SV2C: variants seen among roughly 807,000 people sequenced by gnomAD.
The protein encoded by SV2C is solute carrier family 22 member B3.
A neutral mutation model predicts 79.7 loss-of-function variants in SV2C; 49 were observed. That is an observed-to-expected ratio of 0.61 (90% CI 0.49 to 0.78). SV2C has a LOEUF of 0.78. SV2C is among the 30% of genes least tolerant of loss of function. The probability of loss-of-function intolerance (pLI) is 0.00; values close to 1 mark genes in which losing one functional copy is unlikely to be tolerated. For missense variants in SV2C, 833 were observed against 912.9 expected (o/e 0.91, Z 1.13); for synonymous variants, 334 against 333.2 (o/e 1.00, Z -0.03).
At chr5:75,942,658 C>T in the SV2C span, among the ~76,000 whole-genome samples, 1 of 152,178 alleles carries the variant, frequency 6.6e-6, no homozygotes, top group South Asian at 2.1e-4. Context: ...TGCAGACATT[C>T]CTACCATTCA....
rs938342611 is a variant in SV2C, at chr5:76,295,783, A to G, written c.1343A>G (p.Tyr448Cys). The change falls in exon 9 of 13, where the codon TAT becomes TGT. Residue 448 changes from tyrosine to cysteine, a missense_variant. Tyr to Cys is a radical substitution (Grantham distance 194). Coordinates refer to ENST00000502798, the MANE Select transcript of SV2C (RefSeq NM_014979.4). ...ACATTTCTTTGTCTTTGCAGGTACT[A>G]TGGATTATCCGTTTGGTTCCCTGAT... ...IVWFTLSFGY[Y>C]GLSVWFPDVI... 1 of 1,608,480 alleles carries G rather than the reference A, an allele frequency of 6.2e-7. No homozygotes were observed. Among genetic ancestry groups the G allele is most frequent in the Non-Finnish European group, 8.5e-7 (1 of 1,178,590 alleles).
At chr5:75,967,790 A>G in the SV2C span, among the ~76,000 whole-genome samples, 1 of 152,238 alleles carries the variant, frequency 6.6e-6, no homozygotes, top group Admixed American at 6.5e-5. Context: ...CTGCAGACTT[A>G]AATGTCCCTG....
At chr5:76,120,042 A>C (rs957687493) in intron 1 of SV2C, among the ~76,000 whole-genome samples, 1 of 152,218 alleles carries the variant, frequency 6.6e-6, no homozygotes, top group Non-Finnish European at 1.5e-5. Context: ...TATTAAGTGC[A>C]TGAGGTGATG....
At chr5:75,860,883 A>G in the SV2C span, among the ~76,000 whole-genome samples, 1 of 152,206 alleles carries the variant, frequency 6.6e-6, no homozygotes, top group Non-Finnish European at 1.5e-5. Context: ...GGCTAGCCAT[A>G]TGCAGAAGAC....
At chr5:76,253,274 T>C (rs1746166491) in intron 4 of SV2C, among the ~76,000 whole-genome samples, 1 of 152,156 alleles carries the variant, frequency 6.6e-6, no homozygotes, top group African/African-American at 2.4e-5. Flanking sequence ...TGGGTTGATT[T>C]TTGTTTTTTT....
intron 12 of SV2C, among the ~76,000 whole-genome samples, chr5:76,317,099 CA>C (rs1167232382): frequency 2.6e-5 from 4 of 152,086 alleles, no homozygotes; most frequent in African/African-American, 7.2e-5. Flanking sequence ...GCGTATTAGA[CA>C]AATATTTAAG....
chr5:75,921,149 A>G, the SV2C span: 1 of 900,054 alleles, frequency 1.1e-6, no homozygotes, highest in Admixed American at 1.9e-5. Flanking sequence ...CATGGCACCA[A>G]TGAGCAAGTT....
chr5:75,966,519 C>T, the SV2C span, among the ~76,000 whole-genome samples: 3 of 152,206 alleles, frequency 2.0e-5, no homozygotes, highest in Non-Finnish European at 4.4e-5. Context: ...ATAAGACACT[C>T]CCACCAGTGC....
Position 76,212,575 on chromosome 5 carries a change from T to C in SV2C, c.913+2688T>C, listed in dbSNP as rs184618758. ...CTTGGCTCTCGCTGAGCTTGCTCTC[T>C]GGAGCCCCTTGTCTCCCTGGTTAAT... is the stretch of plus-strand genomic sequence containing the variant. On this transcript the variant is annotated intron_variant, in intron 4 of 12. Transcript: ENST00000502798. Among the ~76,000 whole-genome samples, 854 of 152,202 alleles carry C rather than the reference T, an allele frequency of 5.6e-3. 4 individuals carry two copies. The highest frequency in any genetic ancestry group is 9.9e-3 in the Non-Finnish European group (674 of 67,998).
At chr5:75,867,593 C>A in the SV2C span, among the ~76,000 whole-genome samples, 6 of 152,156 alleles carry the variant, frequency 3.9e-5, no homozygotes, top group Non-Finnish European at 8.8e-5. Context: ...AATAAAGTTA[C>A]ATTTTTTATA....
intron 1 of SV2C, among the ~76,000 whole-genome samples, chr5:76,125,662 A>G (rs532575827): frequency 1.3e-5 from 2 of 152,192 alleles, no homozygotes; most frequent in African/African-American, 2.4e-5. Context: ...TAGGACCACA[A>G]GGTGCAGATT....
the SV2C span, among the ~76,000 whole-genome samples, chr5:75,970,474 A>C: frequency 2.6e-3 from 403 of 152,186 alleles, 6 homozygotes; most frequent in African/African-American, 9.3e-3. Context: ...AGACGCAATA[A>C]AAAATGACAA....
chr5:76,043,672 A>G, the SV2C span, among the ~76,000 whole-genome samples: 1 of 152,216 alleles, frequency 6.6e-6, no homozygotes, highest in East Asian at 1.9e-4. Context: ...ATTTTAGTGA[A>G]GCCAAGTGCC....
chr5:76,065,351 C>T, the SV2C span, among the ~76,000 whole-genome samples: 2 of 152,034 alleles, frequency 1.3e-5, no homozygotes, highest in Non-Finnish European at 2.9e-5. Flanking sequence ...TACCTCGAGG[C>T]CAGAAGTCTA....
intron 12 of SV2C, among the ~76,000 whole-genome samples, chr5:76,318,106 CT>C (rs1748697803): frequency 6.6e-6 from 1 of 152,262 alleles, no homozygotes; most frequent in Admixed American, 6.5e-5. Context: ...CAGTAGTTTT[CT>C]TTTCCCCACC....
At chr5:76,216,371 T>C (rs897363731) in intron 4 of SV2C, among the ~76,000 whole-genome samples, 1 of 152,156 alleles carries the variant, frequency 6.6e-6, no homozygotes, top group African/African-American at 2.4e-5. Flanking sequence ...ATTCAGGAAC[T>C]TCTGGGCCAT....
intron 3 of SV2C, among the ~76,000 whole-genome samples, chr5:76,206,137 T>C (rs903649390): frequency 6.6e-6 from 1 of 152,178 alleles, no homozygotes; most frequent in Non-Finnish European, 1.5e-5. Context: ...AGAATCATAA[T>C]GGGAAACTTC....
At chr5:75,996,989 C>T in the SV2C span, among the ~76,000 whole-genome samples, 1 of 143,970 alleles carries the variant, frequency 6.9e-6, no homozygotes, top group South Asian at 2.2e-4. Flanking sequence ...CTTCTCCTGC[C>T]TGACTGTCCT....
chr5:76,226,515 G>A (rs752280798), intron 4 of SV2C, among the ~76,000 whole-genome samples: 16 of 152,108 alleles, frequency 1.1e-4, no homozygotes, highest in Non-Finnish European at 2.2e-4. Context: ...TAATTCTTAT[G>A]TATTCTTATA....
Sources: gnomAD v4.1 joint callset for allele counts (sites outside exome capture counted in the v4.1 genomes callset) on GRCh38, gnomAD v4.1.1 for gene constraint, MANE v1.5 for transcripts, NCBI Gene and HGNC (gene_info 2026-07-23, HGNC 2026-07-21) for gene names.